Variants in PHLDB2 observed in about 807,000 individuals in gnomAD.
PHLDB2 encodes the protein pleckstrin homology like domain family B member 2, also known as pleckstrin homology-like domain family B member 2.
In PHLDB2, 71 loss-of-function variants were observed where a neutral mutation model predicts 123.6. The ratio of observed to expected loss-of-function variants is 0.57; its 90% CI spans 0.47 to 0.70. PHLDB2 has a LOEUF of 0.70. Among genes scored for constraint, PHLDB2 ranks in the 30% least tolerant of loss-of-function variants. The probability of loss-of-function intolerance (pLI) is 0.00; values close to 1 mark genes in which losing one functional copy is unlikely to be tolerated. For synonymous variants in PHLDB2, 547 were observed against 541.6 expected (o/e 1.01, Z -0.14); for missense variants, 1,446 against 1,519.5 (o/e 0.95, Z 0.80).
intron 5 of PHLDB2, among the ~76,000 whole-genome samples, chr3:111,923,671 C>T (rs2068654129): frequency 6.6e-6 from 1 of 152,110 alleles, no homozygotes; most frequent in Admixed American, 6.6e-5. Context: ...GTTTTTCCAA[C>T]CAGGAGATTG....
chr3:111,965,192 T>C (rs2107674163), intron 13 of PHLDB2, among the ~76,000 whole-genome samples: 1 of 152,364 alleles, frequency 6.6e-6, no homozygotes, highest in South Asian at 2.1e-4. Flanking sequence ...ATCTCCTCAC[T>C]GGCTAATGGA....
At chr3:111,928,384 A>G (rs1485089573) in intron 5 of PHLDB2, among the ~76,000 whole-genome samples, 4 of 152,340 alleles carry the variant, frequency 2.6e-5, no homozygotes, top group Middle Eastern at 3.4e-3. Context: ...GGCTAAGTCA[A>G]TGGGTCTCAA....
chr3:111,967,831 C>T lies in PHLDB2; in HGVS notation c.3315+7C>T, dbSNP rs371310895. 3 of 1,603,206 alleles carry T rather than the reference C, an allele frequency of 1.9e-6. No individual in the cohort carries two copies. Among genetic ancestry groups the T allele is most frequent in the Admixed American group, 1.7e-5 (1 of 57,604 alleles). ...GGAGAGACAAAGGGCACAGGTTGGT[C>T]GGTCAATCTGAATGCATATGGGCAG... On this transcript the variant is annotated splice_region_variant and intron_variant, in intron 15 of 17. Coordinates refer to ENST00000431670, the MANE Select transcript of PHLDB2 (RefSeq NM_001134438.2).
At chr3:111,866,044 CAG>C (rs1228165242) in intron 1 of PHLDB2, among the ~76,000 whole-genome samples, 1 of 34,586 alleles carries the variant, frequency 2.9e-5, no homozygotes, top group African/African-American at 9.0e-5. Flanking sequence ...TTTTTGGAGA[CAG>C]AGTTGCTCTG....
intron 1 of PHLDB2, among the ~76,000 whole-genome samples, chr3:111,763,076 AAGGCAGGGAGCCAT>A (rs767369766): frequency 1.3e-5 from 2 of 152,206 alleles, no homozygotes; most frequent in Non-Finnish European, 2.9e-5. Flanking sequence ...GCCCCAAGGA[AAGGCAGGGAGCCAT>A]AGCTGCACTG....
chr3:111,948,927 T>G lies in PHLDB2; in HGVS notation c.2488-5T>G. On this transcript the variant is annotated splice_region_variant and splice_polypyrimidine_tract_variant and intron_variant, in intron 9 of 17. Coordinates refer to ENST00000431670, the MANE Select transcript of PHLDB2 (RefSeq NM_001134438.2). Reference sequence around the variant, plus strand: ...TGTGTTTAACTTCTGAATTCCTCCTTTTAGGGCTATATCAGTGTAAATGAG... The same window carrying G: ...TGTGTTTAACTTCTGAATTCCTCCTGTTAGGGCTATATCAGTGTAAATGAG... The G allele has an allele frequency of 6.2e-7, 1 of 1,613,588 alleles. No homozygotes were observed.
intron 1 of PHLDB2, among the ~76,000 whole-genome samples, chr3:111,822,948 T>C (rs1365564833): frequency 6.6e-6 from 1 of 152,180 alleles, no homozygotes; most frequent in Non-Finnish European, 1.5e-5. Context: ...TATGCAGCAA[T>C]AGCATGGGGA....
At position 111,939,622 on chromosome 3, in the gene PHLDB2, T is replaced by C; in HGVS notation, c.2278T>C (p.Ser760Pro). 6.2e-7 allele frequency: 1 copy of C among 1,607,254 alleles called. No individual in the cohort carries two copies. Among genetic ancestry groups the C allele is most frequent in the Non-Finnish European group, 8.5e-7 (1 of 1,178,338 alleles). The change falls in exon 7 of 18, where the codon TCT (serine) becomes CCT (proline). Residue 760 changes from serine (S) to proline (P), a missense_variant. Ser to Pro is a moderately conservative substitution (Grantham distance 74, BLOSUM62 -1). Coordinates refer to ENST00000431670, the MANE Select transcript of PHLDB2 (RefSeq NM_001134438.2). Reference sequence around the variant, plus strand: ...TGCTGAATATCAACGGAACATCGTTTCTAGAAAGGTACTTTTTCCAGGTGT... The same window carrying C: ...TGCTGAATATCAACGGAACATCGTTCCTAGAAAGGTACTTTTTCCAGGTGT... ...EVAEYQRNIV[S>P]RKEKISALKK...
At chr3:111,750,716 C>T (rs995824953) in intron 1 of PHLDB2, among the ~76,000 whole-genome samples, 8 of 152,062 alleles carry the variant, frequency 5.3e-5, no homozygotes, top group East Asian at 3.9e-4. Flanking sequence ...GAGGTCAAGG[C>T]GGGCAGATCT....
At chr3:111,862,518 C>A (rs1444262472) in intron 1 of PHLDB2, among the ~76,000 whole-genome samples, 1 of 152,108 alleles carries the variant, frequency 6.6e-6, no homozygotes, top group African/African-American at 2.4e-5. Flanking sequence ...GGGTAGAGGC[C>A]TGGGATGCGG....
chr3:111,792,511 G>T (rs1401089283), intron 1 of PHLDB2, among the ~76,000 whole-genome samples: 2 of 152,022 alleles, frequency 1.3e-5, no homozygotes, highest in Admixed American at 1.3e-4. Flanking sequence ...TTCAAGACCA[G>T]CCTGGGCAAC....
chr3:111,748,970 A>G (rs1576502041), intron 1 of PHLDB2, among the ~76,000 whole-genome samples: 1 of 151,974 alleles, frequency 6.6e-6, no homozygotes, highest in South Asian at 2.1e-4. Context: ...GAGTCTTTTT[A>G]TGTGTACTTC....
intron 12 of PHLDB2, among the ~76,000 whole-genome samples, chr3:111,954,625 A>T (rs536940680): frequency 1.3e-5 from 2 of 152,294 alleles, no homozygotes; most frequent in South Asian, 4.1e-4. Flanking sequence ...AATTACTGTA[A>T]TGTAGTTCCA....
At chr3:111,833,993 A>T (rs183171270) in intron 1 of PHLDB2, among the ~76,000 whole-genome samples, 6 of 77,092 alleles carry the variant, frequency 7.8e-5, no homozygotes, top group East Asian at 6.7e-4. Flanking sequence ...TATATGTAAT[A>T]GAATTATATA....
chr3:111,738,623 T>C (rs1215173867), intron 1 of PHLDB2, among the ~76,000 whole-genome samples: 1 of 152,102 alleles, frequency 6.6e-6, no homozygotes, highest in East Asian at 1.9e-4. Flanking sequence ...TTTGTGTGTA[T>C]GTTAGTGTGT....
chr3:111,795,059 T>C (rs2061096332), intron 1 of PHLDB2, among the ~76,000 whole-genome samples: 1 of 152,192 alleles, frequency 6.6e-6, no homozygotes, highest in Non-Finnish European at 1.5e-5. Flanking sequence ...CTGCAAAATA[T>C]TCTCAAATCT....
In PHLDB2 at chr3:111,884,490, G is replaced by A; in HGVS notation, c.413G>A (p.Arg138Lys). ...FDHYTGRDSE[R>K]ALRLSEKPPY... ...CATTATACTGGCCGGGACAGTGAAA[G>A]GGCCTTGAGGCTCTCAGAGAAGCCT... The change falls in exon 2 of 18, where the codon AGG (arginine) becomes AAG (lysine). Residue 138 changes from arginine (R) to lysine (K), a missense_variant. Physicochemically the swap from Arg to Lys is conservative, Grantham distance 26. Coordinates refer to ENST00000431670, the MANE Select transcript of PHLDB2 (RefSeq NM_001134438.2). 6.2e-7 allele frequency: 1 copy of A among 1,614,160 alleles called. No homozygotes were observed. Among genetic ancestry groups the A allele is most frequent in the Non-Finnish European group, 8.5e-7 (1 of 1,180,010 alleles).
chr3:111,866,014 A>AT (rs61038523), intron 1 of PHLDB2, among the ~76,000 whole-genome samples: 11,216 of 56,908 alleles, frequency 0.2, 2,374 homozygotes, highest in Non-Finnish European at 0.22. Context: ...CCACCCACTC[A>AT]TTTTTTTTTT....
At chr3:111,797,181 T>C (rs1334345725) in intron 1 of PHLDB2, among the ~76,000 whole-genome samples, 1 of 152,238 alleles carries the variant, frequency 6.6e-6, no homozygotes, top group Non-Finnish European at 1.5e-5. Flanking sequence ...ATTCTTAGCA[T>C]TGCCACAATA....
Sources: gnomAD v4.1 joint callset for allele counts (sites outside exome capture counted in the v4.1 genomes callset) on GRCh38, gnomAD v4.1.1 for gene constraint, MANE v1.5 for transcripts, NCBI Gene and HGNC (gene_info 2026-07-23, HGNC 2026-07-21) for gene names.